Variants in USP43 observed in about 807,000 individuals in gnomAD.
USP43 encodes ubiquitin carboxyl-terminal hydrolase 43.
In USP43, 33 loss-of-function variants were observed where a neutral mutation model predicts 90.7. The observed-to-expected ratio is 0.36, with a 90% confidence interval of 0.28 to 0.49. The LOEUF (loss-of-function observed/expected upper bound fraction) is 0.49, where lower values mean the gene tolerates loss of function less well. USP43 is among the 20% of genes least tolerant of loss of function. The pLI is 0.98. For missense variants in USP43, 1,274 were observed against 1,476.4 expected, an observed-to-expected ratio of 0.86 and a Z score of 2.25; for synonymous variants, 598 against 615.8, an observed-to-expected ratio of 0.97 and a Z score of 0.43.
At chr17:9,653,915 A>G (rs1912049258) in intron 1 of USP43, among the ~76,000 whole-genome samples, 1 of 152,216 alleles carries the variant, frequency 6.6e-6, no homozygotes, top group East Asian at 1.9e-4. Context: ...GAAACTCAAC[A>G]GTTGGAATGA....
In USP43 at chr17:9,712,147, T is replaced by A; in HGVS notation, c.2335+15T>A. 1 of 1,538,264 alleles carries A rather than the reference T, an allele frequency of 6.5e-7. No individual in the cohort carries two copies. On this transcript the variant is annotated intron_variant, in intron 14 of 14. Transcript: ENST00000285199. ...TCAGGAAAAGGGTATGTTGGTTAAA[T>A]GTGCTTGGTTGATTTTCATTTTCTG...
At chr17:9,695,871 T>G (rs1462123555) in intron 9 of USP43, among the ~76,000 whole-genome samples, 1 of 152,166 alleles carries the variant, frequency 6.6e-6, no homozygotes, top group Non-Finnish European at 1.5e-5. Flanking sequence ...GGAATCATAG[T>G]GTTTATCCTT....
At chr17:9,657,657 G>A (rs1912357216) in intron 2 of USP43, among the ~76,000 whole-genome samples, 2 of 152,066 alleles carry the variant, frequency 1.3e-5, no homozygotes, top group Admixed American at 6.6e-5. Flanking sequence ...TCACAAGGTG[G>A]CAGGAAAGAG....
intron 8 of USP43, among the ~76,000 whole-genome samples, chr17:9,687,687 G>A (rs1217529166): frequency 1.3e-5 from 2 of 152,124 alleles, no homozygotes; most frequent in Non-Finnish European, 2.9e-5. Context: ...TTTATTTGGG[G>A]CACACACAGA....
At chr17:9,655,692 T>A (rs1912192713) in intron 1 of USP43, among the ~76,000 whole-genome samples, 1 of 152,190 alleles carries the variant, frequency 6.6e-6, no homozygotes, top group African/African-American at 2.4e-5. Context: ...TGATCTGTTT[T>A]GTTCACTGTT....
chr17:9,726,433 C>T (rs958733260), intron 14 of USP43, among the ~76,000 whole-genome samples: 1 of 152,172 alleles, frequency 6.6e-6, no homozygotes, highest in Non-Finnish European at 1.5e-5. Flanking sequence ...AGCTTATCCA[C>T]AACAGACATT....
chr17:9,664,357 A>G (rs1276430633), intron 2 of USP43, among the ~76,000 whole-genome samples: 1 of 152,126 alleles, frequency 6.6e-6, no homozygotes, highest in African/African-American at 2.4e-5. Context: ...CACCTTACCC[A>G]AGACGCTTCA....
chr17:9,645,743 C>T lies in USP43; in HGVS notation c.111C>T (p.Ser37=), dbSNP rs1051260667. ...GCCGCTTCCTGCTGGCGCTGGGCAG[C>T]CGCTCACGCCCCGGGGACTCACCGC... ...LFSRFLLALG[S]RSRPGDSPPR... is the part of the protein sequence containing the mutation. Residue 37 remains serine (S), a synonymous_variant, in exon 1 of 15, where the codon AGC becomes AGT. Transcript: ENST00000285199. The surrounding 1 kb of genome is among the most constrained non-coding windows in gnomAD (Gnocchi z 6.8). 27 of 1,381,072 alleles carry T rather than the reference C, an allele frequency of 2.0e-5. No homozygotes were observed. The highest frequency in any genetic ancestry group is 2.4e-5 in the Non-Finnish European group (26 of 1,073,298). The allele number at this position is 1,381,072 out of a possible 1,614,324, so 85.6% of individuals were successfully genotyped here. A position where few individuals can be genotyped will look rare whatever the true frequency, so the allele number is the denominator to read the frequency against.
At position 9,713,434 on chromosome 17, in the gene USP43, G is replaced by A. The variant is rs565060325; in HGVS notation, c.2335+1302G>A. Among the ~76,000 whole-genome samples the A allele has an allele frequency of 5.9e-5, 9 of 151,970 alleles. No homozygotes were observed. The South Asian group carries it at 1.0e-3, about 18-fold the overall frequency. On this transcript the variant is annotated intron_variant, in intron 14 of 14. Transcript: ENST00000285199. ...CCTCTCTTCATCTGCCCCCATTCCC[G>A]GCCTCTGGCAACCATCATTCTACTC...
intron 3 of USP43, among the ~76,000 whole-genome samples, chr17:9,673,512 A>G (rs1023674079): frequency 1.3e-5 from 2 of 151,994 alleles, no homozygotes; most frequent in Non-Finnish European, 2.9e-5. Flanking sequence ...CCGTCTCCAA[A>G]AACAAACAAA....
In USP43 at chr17:9,682,733, A is replaced by T. The variant is rs537224844; in HGVS notation, c.1106-90A>T. ...CCCATTGGTGGTTAATAGATGCTCA[A>T]AGAGAAAGAGGGACTAGAGAAGCTA... On this transcript the variant is annotated intron_variant, in intron 6 of 14. Transcript: ENST00000285199. 27 of 1,498,672 alleles carry T rather than the reference A, an allele frequency of 1.8e-5. No homozygotes were observed. The African/African-American group carries it at 3.7e-4, about 21-fold the overall frequency. The allele number at this position is 1,498,672 out of a possible 1,614,324, so 92.8% of individuals were successfully genotyped here. A position where few individuals can be genotyped will look rare whatever the true frequency, so the allele number is the denominator to read the frequency against.
intron 2 of USP43, among the ~76,000 whole-genome samples, chr17:9,658,003 A>C (rs1912382929): frequency 6.6e-6 from 1 of 152,254 alleles, no homozygotes; most frequent in African/African-American, 2.4e-5. Flanking sequence ...GCTGTAATAG[A>C]AGAAAAGTTT....
At chr17:9,703,709 G>A (rs1277441656) in intron 12 of USP43, among the ~76,000 whole-genome samples, 1 of 152,214 alleles carries the variant, frequency 6.6e-6, no homozygotes, top group Non-Finnish European at 1.5e-5. Context: ...TGTCATCGGT[G>A]CCAACATACA....
rs1914391748 is a variant in USP43, at chr17:9,682,976, CT to C, written c.1241+24del. ...GCTAGCAGGTATGTTTCACTTTATTCTTTTTTCATGTGGTGTCTGGGATTTG... is the reference window on the plus strand; with the variant it reads ...GCTAGCAGGTATGTTTCACTTTATTCTTTTTCATGTGGTGTCTGGGATTTG... On this transcript the variant is annotated intron_variant, in intron 7 of 14. Transcript: ENST00000285199. 1.2e-6 allele frequency: 2 copies of C among 1,609,826 alleles called. No individual in the cohort carries two copies. Among genetic ancestry groups the C allele is most frequent in the Non-Finnish European group, 1.7e-6 (2 of 1,176,932 alleles).
chr17:9,680,216 T>A lies in USP43; in HGVS notation c.970-15T>A. 10 of 1,609,804 alleles carry A rather than the reference T, an allele frequency of 6.2e-6. No homozygotes were observed. Among genetic ancestry groups the A allele is most frequent in the Non-Finnish European group, 7.6e-6 (9 of 1,177,382 alleles). On this transcript the variant is annotated splice_polypyrimidine_tract_variant and intron_variant, in intron 5 of 14. Coordinates refer to ENST00000285199, the MANE Select transcript of USP43 (RefSeq NM_153210.5). The stretch of plus-strand genomic sequence containing the variant: ...TTTCAGAAATCAAGAGGGAAAATGA[T>A]CTTTCTCATTTCAGGTGATCTTGGT...
intron 14 of USP43, among the ~76,000 whole-genome samples, chr17:9,721,144 T>C (rs982287503): frequency 6.6e-6 from 1 of 151,352 alleles, no homozygotes; most frequent in Non-Finnish European, 1.5e-5. Context: ...ACCATGACCA[T>C]GTAAAAAAAA....
chr17:9,712,007 G>A lies in USP43; in HGVS notation c.2210G>A (p.Arg737Gln), dbSNP rs1353019054. 5 of 1,611,260 alleles carry A rather than the reference G, an allele frequency of 3.1e-6. No individual in the cohort carries two copies. The highest frequency in any genetic ancestry group is 2.2e-5 in the East Asian group (1 of 44,626). The change falls in exon 14 of 15, where the codon CGG becomes CAG. Residue 737 changes from arginine to glutamine, a missense_variant. Transcript: ENST00000285199. ...TCCCTGTCTGATCACTGGCTCTTAC[G>A]GCTCGGGAGCCACGCTGGCAGCACA... ...SSSLSDHWLL[R>Q]LGSHAGSTRG... is the part of the protein sequence containing the mutation.
chr17:9,671,242 C>T (rs935689528), intron 3 of USP43, among the ~76,000 whole-genome samples: 4 of 152,000 alleles, frequency 2.6e-5, no homozygotes, highest in Non-Finnish European at 4.4e-5. Flanking sequence ...TAACGACCAA[C>T]GATTGTGGCT....
At chr17:9,696,625 T>A (rs1012418748) in intron 9 of USP43, among the ~76,000 whole-genome samples, 3 of 152,240 alleles carry the variant, frequency 2.0e-5, no homozygotes, top group Non-Finnish European at 2.9e-5. Flanking sequence ...ATTTCCCATC[T>A]TTGTGTTTAA....
Sources: allele counts gnomAD v4.1 joint callset (sites outside exome capture counted in the v4.1 genomes callset), GRCh38; gene constraint gnomAD v4.1.1; non-coding constraint Gnocchi (gnomAD v3.1); transcripts MANE v1.5; gene names NCBI Gene and HGNC (gene_info 2026-07-23, HGNC 2026-07-21).